The following EYS variants were observed in gnomAD, a reference collection of about 807,000 sequenced individuals.
EYS encodes EGF-like photoreceptor maintenance factor.
A neutral mutation model predicts 282.1 loss-of-function variants in EYS; 250 were observed. That is an observed-to-expected ratio of 0.89 (90% CI 0.80 to 0.98). The LOEUF is 0.98. Among genes scored for constraint, EYS ranks in the 50% least tolerant of loss-of-function variants. The pLI, the probability that EYS is intolerant of heterozygous loss-of-function variation, is 0.00. For missense variants in EYS, 4,016 were observed against 3,709.0 expected (o/e 1.08, Z -2.15); for synonymous variants, 1,355 against 1,282.9 (o/e 1.06, Z -1.20).
At chr6:64,815,672 G>A (rs1175768453) in intron 21 of EYS, among the ~76,000 whole-genome samples, 1 of 151,990 alleles carries the variant, frequency 6.6e-6, no homozygotes, top group Non-Finnish European at 1.5e-5. Flanking sequence ...TTCCCAAAGA[G>A]TTCACTAAAG....
intron 22 of EYS, among the ~76,000 whole-genome samples, chr6:64,777,511 A>G (rs1333475648): frequency 6.6e-6 from 1 of 152,128 alleles, no homozygotes; most frequent in African/African-American, 2.4e-5. Flanking sequence ...TCTGACCAAG[A>G]AGTAATGAAC....
chr6:64,716,625 C>T (rs1301933386), intron 22 of EYS, among the ~76,000 whole-genome samples: 2 of 152,190 alleles, frequency 1.3e-5, no homozygotes, highest in East Asian at 3.9e-4. Flanking sequence ...TCCTTAGCAA[C>T]AGGCAGGATC....
intron 18 of EYS, 95 bp downstream of exon 18, chr6:64,902,018 C>A: frequency 1.3e-6 from 1 of 774,458 alleles, no homozygotes; most frequent in Admixed American, 3.0e-5. Flanking sequence ...CAGTGGTGAT[C>A]AGCTGCCTTA....
At chr6:65,660,889 A>G (rs1423228727) in intron 1 of EYS, among the ~76,000 whole-genome samples, 4 of 151,812 alleles carry the variant, frequency 2.6e-5, no homozygotes, top group Non-Finnish European at 5.9e-5. Context: ...CACTGCTTTT[A>G]TGTAATTGCT....
chr6:64,437,317 GAAGAT>G (rs1002103166), intron 27 of EYS, among the ~76,000 whole-genome samples: 1 of 151,536 alleles, frequency 6.6e-6, no homozygotes, highest in African/African-American at 2.4e-5. Flanking sequence ...TAGGTTAAAC[GAAGAT>G]ATTTAGGAAC....
At chr6:65,196,711 G>A (rs561844905) in intron 12 of EYS, among the ~76,000 whole-genome samples, 5 of 152,206 alleles carry the variant, frequency 3.3e-5, no homozygotes, top group Middle Eastern at 3.4e-3. Context: ...AGAGCACAGC[G>A]AATGAAGGAC....
intron 22 of EYS, among the ~76,000 whole-genome samples, chr6:64,671,564 G>A (rs1769463635): frequency 6.6e-6 from 1 of 152,084 alleles, no homozygotes; most frequent in Admixed American, 6.6e-5. Context: ...ATGTTGGTGT[G>A]TCATTTCAGG....
At chr6:64,512,376 G>A (rs1777437122) in intron 26 of EYS, among the ~76,000 whole-genome samples, 1 of 152,000 alleles carries the variant, frequency 6.6e-6, no homozygotes, top group Non-Finnish European at 1.5e-5. Flanking sequence ...TTCATAGGTA[G>A]GCAATAAATA....
intron 5 of EYS, among the ~76,000 whole-genome samples, chr6:65,405,831 C>A (rs1036228130): frequency 6.6e-6 from 1 of 151,968 alleles, no homozygotes; most frequent in Non-Finnish European, 1.5e-5. Context: ...ATCCATTCAT[C>A]CTTCAGTGGA....
chr6:65,450,925 AT>A (rs1172742066), intron 5 of EYS, among the ~76,000 whole-genome samples: 1 of 152,130 alleles, frequency 6.6e-6, no homozygotes, highest in Non-Finnish European at 1.5e-5. Flanking sequence ...GGTATCACCC[AT>A]TTTATTCACA....
intron 12 of EYS, among the ~76,000 whole-genome samples, chr6:65,118,045 T>C (rs923394688): frequency 2.0e-5 from 3 of 152,004 alleles, no homozygotes; most frequent in African/African-American, 7.3e-5. Flanking sequence ...TGGGGAAGGA[T>C]TGTGGTTGTT....
chr6:65,568,411 A>G (rs1764361147), intron 2 of EYS, among the ~76,000 whole-genome samples: 2 of 151,166 alleles, frequency 1.3e-5, no homozygotes, highest in South Asian at 2.1e-4. Context: ...CACTAAATAC[A>G]TTTGCATGCC....
At chr6:65,371,741 C>CTCTCTG (rs1335075948) in intron 8 of EYS, among the ~76,000 whole-genome samples, 987 of 70,178 alleles carry the variant, frequency 0.014, 16 homozygotes, top group African/African-American at 0.053. Context: ...CTCTCTCTCT[C>CTCTCTG]TGTGTGTGTG....
chr6:65,556,283 C>A (rs1341583334), intron 2 of EYS, among the ~76,000 whole-genome samples: 2 of 152,048 alleles, frequency 1.3e-5, no homozygotes, highest in African/African-American at 4.8e-5. Context: ...ACAGCCTGGG[C>A]AACATAGAAA....
chr6:65,289,614 C>T (rs1302825315), intron 12 of EYS, among the ~76,000 whole-genome samples: 1 of 151,010 alleles, frequency 6.6e-6, no homozygotes, highest in Non-Finnish European at 1.5e-5. Flanking sequence ...TTCCAAATAT[C>T]CAAGCACTAT....
At chr6:64,133,183 A>G (rs1411938546) in intron 31 of EYS, among the ~76,000 whole-genome samples, 1 of 151,652 alleles carries the variant, frequency 6.6e-6, no homozygotes, top group African/African-American at 2.4e-5. Context: ...TTTTCCTCAT[A>G]TTAACTTATC....
chr6:64,230,744 G>A lies in EYS; in HGVS notation c.6272C>T (p.Thr2091Ile), dbSNP rs1214131092. 4 of 1,551,588 alleles carry A rather than the reference G, an allele frequency of 2.6e-6. No individual in the cohort carries two copies. The highest frequency in any genetic ancestry group is 1.2e-5 in the South Asian group (1 of 84,060). The change falls in exon 31 of 43, where the codon ACT becomes ATT. Residue 2091 changes from threonine (T) to isoleucine (I), a missense_variant. Coordinates refer to ENST00000503581, the MANE Select transcript of EYS (RefSeq NM_001142800.2). The stretch of plus-strand genomic sequence containing the variant: ...TGCTGCAACAGAGGGGCTGACAGAA[G>A]TCCACATGGTATCAACCCCTTGTGT... ...DVTQGVDTMW[T>I]SVSPSVAAPS...
chr6:64,564,260 CTTTTGTCCTTTTTTTT>C (rs1167630003), intron 26 of EYS, among the ~76,000 whole-genome samples: 1 of 64,976 alleles, frequency 1.5e-5, no homozygotes, highest in Non-Finnish European at 3.1e-5. Context: ...CAACACGTAT[CTTTTGTCCTTTTTTTT>C]TTTTTTTTTT....
intron 29 of EYS, among the ~76,000 whole-genome samples, chr6:64,313,915 A>G (rs940852015): frequency 6.6e-6 from 1 of 152,114 alleles, no homozygotes; most frequent in African/African-American, 2.4e-5. Flanking sequence ...GCAAAAACAT[A>G]CCAAATTGTG....
Sources: allele counts gnomAD v4.1 joint callset (sites outside exome capture counted in the v4.1 genomes callset), GRCh38; gene constraint gnomAD v4.1.1; transcripts MANE v1.5; gene names NCBI Gene and HGNC (gene_info 2026-07-23, HGNC 2026-07-21).